Variants in CELF2 observed in about 807,000 individuals in gnomAD.
CELF2 encodes the protein CUG triplet repeat RNA-binding protein 2.
A neutral mutation model predicts 62.6 loss-of-function variants in CELF2; 8 were observed. The observed-to-expected ratio is 0.13, with a 90% CI of 0.07 to 0.23. The LOEUF (loss-of-function observed/expected upper bound fraction) is 0.23. Among genes scored for constraint, CELF2 ranks in the 10% least tolerant of loss-of-function variants. The pLI is 1.00. For missense variants in CELF2, 333 were observed against 671.0 expected (o/e 0.50, Z 5.56); for synonymous variants, 258 against 250.0 (o/e 1.03, Z -0.30).
chr10:11,091,415 A>G (rs2048297319), intron 1 of CELF2, among the ~76,000 whole-genome samples: 1 of 152,218 alleles, frequency 6.6e-6, no homozygotes, highest in East Asian at 1.9e-4. Context: ...GCTTGAGAAA[A>G]TACTGACCTC....
At chr10:10,560,684 GA>G in the CELF2 span, among the ~76,000 whole-genome samples, 2,515 of 150,736 alleles carry the variant, frequency 0.017, 77 homozygotes, top group African/African-American at 0.055. Flanking sequence ...ACCCAGAGGG[GA>G]AAAAAAAATC....
At position 11,329,092 on chromosome 10, in the gene CELF2, C is replaced by T; in HGVS notation, c.*39C>T. 1 of 1,578,904 alleles carries T rather than the reference C, an allele frequency of 6.3e-7. No individual in the cohort carries two copies. Among genetic ancestry groups the T allele is most frequent in the Non-Finnish European group, 8.7e-7 (1 of 1,155,518 alleles). On this transcript the variant is annotated 3_prime_UTR_variant, in exon 13 of 13. Transcript: ENST00000633077. The surrounding 1 kb of genome is among the most constrained non-coding windows in gnomAD (Gnocchi z 5.5). The stretch of plus-strand genomic sequence containing the variant: ...GGCTCCCTGCTCTCATTTTAGCTTT[C>T]TTAGGGTAAGTCCCACGAGCCAGCC...
chr10:10,565,745 A>T, the CELF2 span, among the ~76,000 whole-genome samples: 1 of 152,212 alleles, frequency 6.6e-6, no homozygotes, highest in Non-Finnish European at 1.5e-5. Context: ...AATATCTGTT[A>T]CTTCAGCCTG....
intron 1 of CELF2, among the ~76,000 whole-genome samples, chr10:11,140,388 G>A (rs150361030): frequency 4.4e-4 from 67 of 152,032 alleles, no homozygotes; most frequent in South Asian, 8.3e-4. Context: ...TTACAGGAGT[G>A]AGTCACCATG....
intron 2 of CELF2, among the ~76,000 whole-genome samples, chr10:11,194,305 C>T (rs1398478900): frequency 6.6e-6 from 1 of 152,068 alleles, no homozygotes; most frequent in Admixed American, 6.5e-5. Context: ...ACCTCGTGAT[C>T]CACCTGCCTC....
intron 2 of CELF2, among the ~76,000 whole-genome samples, chr10:11,186,355 C>G (rs568938137): frequency 1.3e-5 from 1 of 79,958 alleles, no homozygotes; most frequent in African/African-American, 4.6e-5. Flanking sequence ...TGCTTCCATT[C>G]TTTTGCTTAT....
the CELF2 span, among the ~76,000 whole-genome samples, chr10:10,639,096 A>G: frequency 2.4e-4 from 36 of 152,334 alleles, no homozygotes; most frequent in East Asian, 6.5e-3. Flanking sequence ...TTTTAATATA[A>G]GATTCTGTTA....
intron 1 of CELF2, among the ~76,000 whole-genome samples, chr10:10,870,372 A>G (rs2060661784): frequency 2.0e-5 from 3 of 152,168 alleles, no homozygotes; most frequent in African/African-American, 7.2e-5. Flanking sequence ...ATTATACCTT[A>G]GTTTTATTTA....
the CELF2 span, among the ~76,000 whole-genome samples, chr10:10,694,829 T>C: frequency 1.3e-5 from 2 of 151,748 alleles, no homozygotes; most frequent in African/African-American, 4.9e-5. Context: ...AGATGAGGAT[T>C]GCAACCCCTG....
rs1454100943 is a variant in CELF2 at position 11,259,508 on chromosome 10, CACTT to C, written c.538+1638_538+1641del. 2.6e-5 allele frequency among the ~76,000 whole-genome samples: 4 copies of C among 151,688 alleles called. No individual in the cohort carries two copies. In the East Asian group the frequency reaches 7.8e-4, roughly 29 times the overall value. ...TTCTGAAATTTTGTTATATAACACT[CACTT>C]AAAAGATGTAATTCTCTAAAAGCTG... On this transcript the variant is annotated intron_variant, in intron 5 of 12. Coordinates refer to ENST00000633077, the MANE Select transcript of CELF2 (RefSeq NM_001326342.2).
At chr10:10,498,991 G>A in the CELF2 span, among the ~76,000 whole-genome samples, 1 of 151,794 alleles carries the variant, frequency 6.6e-6, no homozygotes, top group African/African-American at 2.4e-5. Flanking sequence ...AAGAGAGTCT[G>A]CATGGTCCCT....
rs1028827040 is a variant in CELF2 at position 11,332,392 on chromosome 10, G to A, written c.*3339G>A. On this transcript the variant is annotated 3_prime_UTR_variant, in exon 13 of 13. Coordinates refer to ENST00000633077, the MANE Select transcript of CELF2 (RefSeq NM_001326342.2). ...GTAGGTACCTCTGAATATACCAGGT[G>A]TCTGGAGTTAGAAGCCCATAGCCCT... The A allele has an allele frequency of 5.9e-5, 9 of 152,388 alleles. No homozygotes were observed. The highest frequency in any genetic ancestry group is 4.6e-4 in the Admixed American group (7 of 15,276). The allele number at this position is 152,388 out of a possible 1,614,324, so 9.4% of individuals were successfully genotyped here. A position where few individuals can be genotyped will look rare whatever the true frequency, so the allele number is the denominator to read the frequency against.
chr10:10,811,632 G>T (rs1270531110), intron 1 of CELF2, among the ~76,000 whole-genome samples: 1 of 152,156 alleles, frequency 6.6e-6, no homozygotes, highest in Non-Finnish European at 1.5e-5. Flanking sequence ...TGTATTCAAT[G>T]ACCTAAGAAA....
chr10:11,250,137 C>G (rs2076710782), intron 4 of CELF2, among the ~76,000 whole-genome samples: 1 of 152,220 alleles, frequency 6.6e-6, no homozygotes, highest in African/African-American at 2.4e-5. Flanking sequence ...TCTGGCTTCT[C>G]CACAGAATAG....
At chr10:11,240,388 T>C (rs377061422) in intron 3 of CELF2, among the ~76,000 whole-genome samples, 1 of 152,228 alleles carries the variant, frequency 6.6e-6, no homozygotes, top group African/African-American at 2.4e-5. Context: ...CCACAAAATG[T>C]AAGATCAATT....
At chr10:10,649,077 C>T in the CELF2 span, among the ~76,000 whole-genome samples, 66,229 of 152,058 alleles carry the variant, frequency 0.44, 14,864 homozygotes, top group South Asian at 0.71. Flanking sequence ...TCCCATCTAT[C>T]CCCTTTTGAA....
the CELF2 span, among the ~76,000 whole-genome samples, chr10:10,716,451 G>C: frequency 1.7e-3 from 255 of 152,258 alleles, 1 homozygote; most frequent in East Asian, 0.033. Context: ...TGAGGTGGGA[G>C]GATCGCTTGA....
chr10:10,949,652 T>G (rs1285213231), intron 2 of CELF2, among the ~76,000 whole-genome samples: 1 of 149,308 alleles, frequency 6.7e-6, no homozygotes, highest in South Asian at 2.1e-4. Context: ...AAAAAAAAAA[T>G]TAGCCAGGCT....
chr10:11,059,590 A>C (rs1233067479), intron 1 of CELF2, among the ~76,000 whole-genome samples: 1 of 152,170 alleles, frequency 6.6e-6, no homozygotes, highest in Non-Finnish European at 1.5e-5. Context: ...AAAGATATAA[A>C]CCTTGAAGGA....
Sources: gnomAD v4.1 joint callset for allele counts (sites outside exome capture counted in the v4.1 genomes callset) on GRCh38, gnomAD v4.1.1 for gene constraint, Gnocchi (gnomAD v3.1) non-coding constraint, MANE v1.5 for transcripts, NCBI Gene and HGNC (gene_info 2026-07-23, HGNC 2026-07-21) for gene names.